Variants in DGKB observed in about 807,000 individuals in gnomAD.
DGKB encodes the protein diacylglycerol kinase beta.
In DGKB, 67 loss-of-function variants were observed where a neutral mutation model predicts 114.3. The ratio of observed to expected loss-of-function variants is 0.59; its 90% CI spans 0.48 to 0.72. The LOEUF (loss-of-function observed/expected upper bound fraction) is 0.72, where lower values mean the gene tolerates loss of function less well. DGKB is among the 30% of genes least tolerant of loss of function. The pLI is 0.00. For synonymous variants in DGKB, 398 were observed against 323.1 expected, an observed-to-expected ratio of 1.23 and a Z score of -2.49; for missense variants, 907 against 975.2, an observed-to-expected ratio of 0.93 and a Z score of 0.93.
intron 25 of DGKB, among the ~76,000 whole-genome samples, chr7:14,167,475 A>T (rs1344664910): frequency 6.6e-6 from 1 of 152,130 alleles, no homozygotes; most frequent in African/African-American, 2.4e-5. Context: ...CAGAGAAACA[A>T]TATGAGAGCC....
chr7:14,573,950 C>A (rs1798750641), intron 20 of DGKB, among the ~76,000 whole-genome samples: 1 of 151,926 alleles, frequency 6.6e-6, no homozygotes, highest in Admixed American at 6.6e-5. Context: ...CACAAATAAA[C>A]CAATTACAAA....
intron 23 of DGKB, among the ~76,000 whole-genome samples, chr7:14,190,481 A>C (rs1784130947): frequency 6.6e-6 from 1 of 152,152 alleles, no homozygotes; most frequent in Non-Finnish European, 1.5e-5. Context: ...AAGGCCTAGG[A>C]TTTGTTATTA....
intron 16 of DGKB, among the ~76,000 whole-genome samples, chr7:14,612,154 CATTTTATTTT>C (rs372883232): frequency 6.9e-5 from 10 of 145,890 alleles, no homozygotes; most frequent in South Asian, 4.5e-4. Context: ...ATCTTATACT[CATTTTATTTT>C]ATTTTATTTT....
At chr7:14,641,102 G>C (rs1261783893) in intron 13 of DGKB, among the ~76,000 whole-genome samples, 3 of 152,258 alleles carry the variant, frequency 2.0e-5, no homozygotes, top group Middle Eastern at 3.4e-3. Context: ...AGTTTCACCA[G>C]TGTTTAATGA....
At chr7:14,640,381 T>C (rs565517305) in intron 13 of DGKB, among the ~76,000 whole-genome samples, 2 of 152,250 alleles carry the variant, frequency 1.3e-5, no homozygotes, top group South Asian at 2.1e-4. Context: ...AAGGAAGTAA[T>C]TTAAAAATAT....
intron 21 of DGKB, among the ~76,000 whole-genome samples, chr7:14,361,141 G>C (rs1815658406): frequency 6.6e-6 from 1 of 151,796 alleles, no homozygotes; most frequent in Admixed American, 6.6e-5. Context: ...TTTACCTTTT[G>C]TTTTTCTTCA....
At chr7:14,311,419 A>G (rs1242923722) in intron 23 of DGKB, among the ~76,000 whole-genome samples, 1 of 150,758 alleles carries the variant, frequency 6.6e-6, no homozygotes, top group South Asian at 2.1e-4. Context: ...AACTTTATTC[A>G]TTTTTCATCA....
intron 2 of DGKB, among the ~76,000 whole-genome samples, chr7:14,790,093 A>G (rs971130941): frequency 6.6e-6 from 1 of 152,194 alleles, no homozygotes; most frequent in East Asian, 1.9e-4. Context: ...TATTCTCTTC[A>G]GGACAATATC....
At chr7:14,951,525 T>C (rs2128260557) in intron 1 of DGKB, among the ~76,000 whole-genome samples, 1 of 152,046 alleles carries the variant, frequency 6.6e-6, no homozygotes, top group South Asian at 2.1e-4. Context: ...AGATGAACAA[T>C]CGAGGCACAG....
intron 17 of DGKB, among the ~76,000 whole-genome samples, chr7:14,605,119 C>T (rs912131568): frequency 6.6e-6 from 1 of 151,918 alleles, no homozygotes; most frequent in Non-Finnish European, 1.5e-5. Context: ...ATTGACGTAG[C>T]ATATTTGGTA....
At chr7:14,879,849 T>C (rs150655046) in intron 1 of DGKB, among the ~76,000 whole-genome samples, 228 of 152,294 alleles carry the variant, frequency 1.5e-3, no homozygotes, top group Non-Finnish European at 2.6e-3. Context: ...ATGACAATTG[T>C]ATGTCTGATT....
chr7:14,240,379 A>G (rs1446835716), intron 23 of DGKB, among the ~76,000 whole-genome samples: 2 of 152,082 alleles, frequency 1.3e-5, no homozygotes, highest in African/African-American at 4.8e-5. Flanking sequence ...CAATGTTTCA[A>G]TAATTGCATA....
At chr7:14,251,362 T>C (rs1795210793) in intron 23 of DGKB, among the ~76,000 whole-genome samples, 2 of 152,184 alleles carry the variant, frequency 1.3e-5, no homozygotes, top group Non-Finnish European at 1.5e-5. Flanking sequence ...TTAAAGCTGA[T>C]AACTTTGACT....
At chr7:14,313,502 A>C (rs1399243918) in intron 23 of DGKB, among the ~76,000 whole-genome samples, 1 of 152,124 alleles carries the variant, frequency 6.6e-6, no homozygotes, top group African/African-American at 2.4e-5. Context: ...TAATCAAAGA[A>C]AGGGGTGACG....
chr7:14,400,342 T>C (rs1349790455), intron 21 of DGKB, among the ~76,000 whole-genome samples: 5 of 151,734 alleles, frequency 3.3e-5, no homozygotes, highest in African/African-American at 1.2e-4. Flanking sequence ...CAATAAAAAT[T>C]CGAGTATTTC....
Position 14,412,851 on chromosome 7 carries a change from C to A in DGKB, c.1835+65310G>T, listed in dbSNP as rs189038751. On this transcript the variant is annotated intron_variant, in intron 21 of 25. Coordinates refer to ENST00000402815, the MANE Select transcript of DGKB (RefSeq NM_001350709.2). ...ACAAAAATTAGAAGGCGTGATGGTG[C>A]GTGCCTGTAATCCCAGCTACTCAGG... 2.5e-3 allele frequency among the ~76,000 whole-genome samples: 382 copies of A among 151,896 alleles called. 1 individual carries two copies. Among genetic ancestry groups the A allele is most frequent in the African/African-American group, 9.1e-3 (376 of 41,444 alleles).
intron 13 of DGKB, among the ~76,000 whole-genome samples, chr7:14,637,345 TG>T (rs1210540000): frequency 3.3e-5 from 5 of 152,056 alleles, no homozygotes; most frequent in Middle Eastern, 3.4e-3. Flanking sequence ...AATAAAAATT[TG>T]GCATTCACTT....
At chr7:14,287,445 C>A (rs1359724006) in intron 23 of DGKB, among the ~76,000 whole-genome samples, 2 of 151,928 alleles carry the variant, frequency 1.3e-5, no homozygotes, top group African/African-American at 4.8e-5. Context: ...CTAAGTTGTT[C>A]TAAATGATTT....
intron 20 of DGKB, among the ~76,000 whole-genome samples, chr7:14,560,574 T>TG (rs549882199): frequency 1.3e-5 from 2 of 152,192 alleles, no homozygotes; most frequent in Non-Finnish European, 2.9e-5. Flanking sequence ...TTCAGTTGTA[T>TG]GTATAGACCA....
Sources: gnomAD v4.1 joint callset for allele counts (sites outside exome capture counted in the v4.1 genomes callset) on GRCh38, gnomAD v4.1.1 for gene constraint, MANE v1.5 for transcripts, NCBI Gene and HGNC (gene_info 2026-07-23, HGNC 2026-07-21) for gene names.